DIAPH2: variants seen among roughly 807,000 people sequenced by gnomAD.
DIAPH2 encodes the protein protein diaphanous homolog 2.
A neutral mutation model predicts 92.7 loss-of-function variants in DIAPH2; 35 were observed. The observed-to-expected ratio is 0.38, with a 90% CI of 0.29 to 0.50. The LOEUF (loss-of-function observed/expected upper bound fraction) is 0.50. DIAPH2 is among the 20% of genes least tolerant of loss of function. The pLI is 0.94. For synonymous variants in DIAPH2, 301 were observed against 280.4 expected (o/e 1.07, Z -0.73); for missense variants, 701 against 819.5 (o/e 0.86, Z 1.77).
At chrX:97,081,445 C>T (rs2066743930) in intron 19 of DIAPH2, among the ~76,000 whole-genome samples, 1 of 112,131 alleles carries the variant, frequency 8.9e-6, no homozygotes, top group Non-Finnish European at 1.9e-5. Flanking sequence ...TTGTTGTTCA[C>T]AGAGAAAGAA....
chrX:96,852,261 G>C (rs1330205381), intron 4 of DIAPH2, among the ~76,000 whole-genome samples: 1 of 111,947 alleles, frequency 8.9e-6, no homozygotes, highest in Admixed American at 9.5e-5. Flanking sequence ...AGACTGTTAG[G>C]AAATGGTTCC....
chrX:97,211,564 T>C (rs1165649386), intron 22 of DIAPH2, among the ~76,000 whole-genome samples: 1 of 111,184 alleles, frequency 9.0e-6, no homozygotes, highest in African/African-American at 3.3e-5. Flanking sequence ...GAGTATAATT[T>C]TTTGATGCTT....
At chrX:97,272,742 A>G (rs987814395) in intron 23 of DIAPH2, among the ~76,000 whole-genome samples, 15 of 112,540 alleles carry the variant, frequency 1.3e-4, no homozygotes, top group African/African-American at 4.5e-4. Flanking sequence ...CAGATAATTT[A>G]TAAGATATAG....
At chrX:96,746,167 T>C (rs763719684) in intron 3 of DIAPH2, among the ~76,000 whole-genome samples, 24 of 111,997 alleles carry the variant, frequency 2.1e-4, no homozygotes, top group Non-Finnish European at 3.2e-4. Context: ...TCCAAAGTGC[T>C]GGGATTATAG....
At chrX:96,881,366 C>T (rs988229617) in intron 4 of DIAPH2, among the ~76,000 whole-genome samples, 1 of 110,961 alleles carries the variant, frequency 9.0e-6, no homozygotes, top group African/African-American at 3.3e-5. Flanking sequence ...AGGTCATGAG[C>T]ACCAGCACTG....
intron 26 of DIAPH2, among the ~76,000 whole-genome samples, chrX:97,447,107 A>G (rs962698715): frequency 9.0e-5 from 10 of 111,459 alleles, no homozygotes; most frequent in Non-Finnish European, 1.7e-4. Context: ...TTTTCTTTCT[A>G]ATATTAGTTT....
rs554720942 is a variant in DIAPH2 at position 97,032,310 on chromosome X, G to A, written c.2051-40631G>A. Among the ~76,000 whole-genome samples the A allele has an allele frequency of 1.2e-4, 13 of 111,391 alleles. No homozygotes were observed. The South Asian group carries it at 4.1e-3, about 36-fold the overall frequency. ...GGCAAGACATTGCACATGTCATAAA[G>A]TAGTGAGAATAAGAGCTTTGTACAT... On this transcript the variant is annotated intron_variant, in intron 17 of 26. Coordinates refer to ENST00000324765, the MANE Select transcript of DIAPH2 (RefSeq NM_006729.5).
intron 5 of DIAPH2, among the ~76,000 whole-genome samples, chrX:96,894,017 A>G (rs1382839495): frequency 8.9e-6 from 1 of 112,293 alleles, no homozygotes; most frequent in African/African-American, 3.2e-5. Context: ...GATGGAATCC[A>G]TGAAGGCAGA....
intron 1 of DIAPH2, among the ~76,000 whole-genome samples, chrX:96,700,206 G>T (rs2063847402): frequency 1.8e-5 from 2 of 111,232 alleles, no homozygotes; most frequent in Admixed American, 9.5e-5. Flanking sequence ...ATGTGGTTTC[G>T]CCATGTTGCC....
intron 21 of DIAPH2, among the ~76,000 whole-genome samples, chrX:97,129,533 A>G (rs2067123449): frequency 9.0e-6 from 1 of 111,568 alleles, no homozygotes; most frequent in African/African-American, 3.3e-5. Flanking sequence ...TTTGGAATAT[A>G]TGAATATATA....
chrX:97,116,621 GT>G (rs2067018771), intron 21 of DIAPH2, among the ~76,000 whole-genome samples: 1 of 111,634 alleles, frequency 9.0e-6, no homozygotes, highest in Non-Finnish European at 1.9e-5. Flanking sequence ...ATCTAAAAGT[GT>G]TCTTGCTTGA....
chrX:96,858,750 T>C (rs748589040), intron 4 of DIAPH2, among the ~76,000 whole-genome samples: 104 of 111,867 alleles, frequency 9.3e-4, no homozygotes, highest in African/African-American at 3.3e-3. Context: ...CTATTTTGAG[T>C]TCCCTTGTCA....
chrX:97,550,509 C>T (rs763885008), intron 26 of DIAPH2, among the ~76,000 whole-genome samples: 2 of 111,766 alleles, frequency 1.8e-5, no homozygotes, highest in African/African-American at 6.5e-5. Flanking sequence ...AGCTACATGT[C>T]GGGTATGTTT....
At chrX:97,404,843 T>C (rs1202810314) in intron 25 of DIAPH2, among the ~76,000 whole-genome samples, 2 of 112,553 alleles carry the variant, frequency 1.8e-5, no homozygotes, top group Non-Finnish European at 3.8e-5. Context: ...TGGTTTGTTC[T>C]CCTACCTGAT....
intron 24 of DIAPH2, among the ~76,000 whole-genome samples, chrX:97,350,152 A>G (rs768589713): frequency 2.3e-4 from 25 of 110,216 alleles, no homozygotes; most frequent in Non-Finnish European, 4.5e-4. Context: ...TCTACTAATA[A>G]TACAAAAATT....
chrX:97,586,071 C>T (rs1036633736), intron 26 of DIAPH2, among the ~76,000 whole-genome samples: 1 of 111,576 alleles, frequency 9.0e-6, no homozygotes, highest in East Asian at 2.8e-4. Flanking sequence ...TCTCACTTTA[C>T]GTACATTCCT....
intron 5 of DIAPH2, among the ~76,000 whole-genome samples, chrX:96,904,071 G>A (rs2065416772): frequency 8.9e-6 from 1 of 112,019 alleles, no homozygotes; most frequent in Admixed American, 9.5e-5. Flanking sequence ...AAATGGATGA[G>A]AGGCATGAAA....
intron 26 of DIAPH2, among the ~76,000 whole-genome samples, chrX:97,510,899 T>G (rs2070884836): frequency 9.4e-6 from 1 of 106,387 alleles, no homozygotes; most frequent in Admixed American, 1.0e-4. Context: ...ACCATGCTGT[T>G]TTGGTTACTG....
chrX:97,374,879 G>A (rs929646833), intron 24 of DIAPH2, among the ~76,000 whole-genome samples: 1 of 111,774 alleles, frequency 8.9e-6, no homozygotes, highest in Non-Finnish European at 1.9e-5. Context: ...TGATCAGGTT[G>A]TTCAATTTCT....
Sources: gnomAD v4.1 joint callset for allele counts (sites outside exome capture counted in the v4.1 genomes callset) on GRCh38, gnomAD v4.1.1 for gene constraint, MANE v1.5 for transcripts, NCBI Gene and HGNC (gene_info 2026-07-23, HGNC 2026-07-21) for gene names.